The following OSMR variants were observed in gnomAD, a reference collection of about 807,000 sequenced individuals.
OSMR encodes oncostatin-M-specific receptor subunit beta.
OSMR carries 81 observed loss-of-function variants against 99.9 expected under a neutral mutation model. That is an observed-to-expected ratio of 0.81 (90% confidence interval 0.68 to 0.97). OSMR has a LOEUF of 0.97. Among genes scored for constraint, OSMR ranks in the 50% least tolerant of loss-of-function variants. OSMR has a pLI of 0.00. For synonymous variants in OSMR, 406 were observed against 410.4 expected, an observed-to-expected ratio of 0.99 and a Z score of 0.13; for missense variants, 1,099 against 1,153.4, an observed-to-expected ratio of 0.95 and a Z score of 0.68.
At chr5:38,945,347 C>T, downstream of OSMR, 1 of 636,162 alleles carries the variant, frequency 1.6e-6, no homozygotes, top group East Asian at 2.7e-5. Context: ...AGCATCTCAG[C>T]ATAACATAAT....
Position 38,921,456 on chromosome 5 carries a change from C to T in OSMR, c.1586-159C>T, listed in dbSNP as rs577087332. The T allele has an allele frequency of 3.3e-5, 32 of 982,848 alleles. No individual in the cohort carries two copies. The East Asian group carries it at 1.7e-3, about 52-fold the overall frequency. The allele number at this position is 982,848 out of a possible 1,614,324, so 60.9% of individuals were successfully genotyped here. Reference sequence around the variant, plus strand: ...TGGGAAGTAAGAGACAAGAACTCACCCATGAAAACATCCCCCACCCAAGCA... The same window carrying T: ...TGGGAAGTAAGAGACAAGAACTCACTCATGAAAACATCCCCCACCCAAGCA... On this transcript the variant is annotated intron_variant, in intron 11 of 17. Coordinates refer to ENST00000274276, the MANE Select transcript of OSMR (RefSeq NM_003999.3).
At chr5:38,941,799 T>C in intron 1 of OSMR, 2 of 233,102 alleles carry the variant, frequency 8.6e-6, no homozygotes, top group Non-Finnish European at 1.7e-5. Context: ...GGGCCAAAGT[T>C]CCCTCTCTAA....
downstream of OSMR, among the ~76,000 whole-genome samples, chr5:38,937,540 A>G (rs1268913814): frequency 6.6e-6 from 1 of 152,212 alleles, no homozygotes. The surrounding 1 kb of genome is among the most constrained non-coding windows in gnomAD (Gnocchi z 4.0). Flanking sequence ...GCCAGTAGGT[A>G]GCTGTAGGTA....
At chr5:38,848,609 G>A (rs994011633) in intron 1 of OSMR, among the ~76,000 whole-genome samples, 1 of 152,080 alleles carries the variant, frequency 6.6e-6, no homozygotes, top group Non-Finnish European at 1.5e-5. Flanking sequence ...ACCATTCTAA[G>A]GCTTGTTTTT....
At chr5:38,869,242 C>A (rs1742187280) in intron 2 of OSMR, 125 bp downstream of exon 2, 1 of 812,156 alleles carries the variant, frequency 1.2e-6, no homozygotes, top group Non-Finnish European at 2.2e-6. Flanking sequence ...CTGAGTATCT[C>A]CCATGAGGAG....
At position 38,933,814 on chromosome 5, in the gene OSMR, A is replaced by ATAT. The variant is rs1746894361; in HGVS notation, c.*372_*374dup. The ATAT allele has an allele frequency of 4.9e-6, 1 of 206,098 alleles. No individual in the cohort carries two copies. The highest frequency in any genetic ancestry group is 1.2e-4 in the South Asian group (1 of 8,524). The allele number at this position is 206,098 out of a possible 1,614,324, so 12.8% of individuals were successfully genotyped here. Reference sequence around the variant, plus strand: ...TAGAAGTTCAGTTTTTACTGAGGAAATATTTCCATTAACAGCAATTATTAT... The same window carrying ATAT: ...TAGAAGTTCAGTTTTTACTGAGGAAATATTATTTCCATTAACAGCAATTATTAT... On this transcript the variant is annotated 3_prime_UTR_variant, in exon 18 of 18. Transcript: ENST00000274276.
chr5:38,890,842 G>C (rs1744110285), intron 7 of OSMR, among the ~76,000 whole-genome samples: 1 of 151,924 alleles, frequency 6.6e-6, no homozygotes. Flanking sequence ...AACAAGCCTG[G>C]GGACGTTGAA....
chr5:38,876,057 T>C (rs1407743393), intron 2 of OSMR, 144 bp from the exon 3 acceptor site: 8 of 1,180,930 alleles, frequency 6.8e-6, no homozygotes, highest in Non-Finnish European at 9.3e-6. Flanking sequence ...CTCTTCCAGA[T>C]TTCCAAGGTG....
intron 15 of OSMR, among the ~76,000 whole-genome samples, chr5:38,928,212 C>T (rs1746558893): frequency 6.6e-6 from 1 of 152,148 alleles, no homozygotes; most frequent in Admixed American, 6.5e-5. Context: ...ACATCTTCCT[C>T]TCTTCTTCTG....
chr5:38,928,510 G>A (rs1005407098), intron 15 of OSMR, among the ~76,000 whole-genome samples: 4 of 152,086 alleles, frequency 2.6e-5, no homozygotes, highest in Admixed American at 6.5e-5. Context: ...GAGAAGTGCC[G>A]AGCAAAGGGG....
intron 1 of OSMR, among the ~76,000 whole-genome samples, chr5:38,862,698 C>T (rs1374726698): frequency 2.7e-5 from 4 of 149,852 alleles, no homozygotes; most frequent in South Asian, 2.1e-4. Context: ...CGGGCAGAGA[C>T]GCTCCTCACT....
intron 3 of OSMR, 28 bp downstream of exon 3, chr5:38,876,401 A>T (rs1742840101): frequency 2.5e-6 from 4 of 1,591,480 alleles, no homozygotes; most frequent in Admixed American, 1.7e-5. Flanking sequence ...CTCAATATTT[A>T]AAAAATCATC....
intron 1 of OSMR, among the ~76,000 whole-genome samples, chr5:38,866,855 C>T (rs1741989555): frequency 6.6e-6 from 1 of 152,128 alleles, no homozygotes; most frequent in Non-Finnish European, 1.5e-5. Context: ...TAGGAGTTCA[C>T]AGTAGGAATA....
At chr5:38,896,480 A>G (rs1744526729) in intron 7 of OSMR, among the ~76,000 whole-genome samples, 2 of 151,838 alleles carry the variant, frequency 1.3e-5, no homozygotes. Context: ...TGCTAATGAT[A>G]TTTGTATATT....
intron 9 of OSMR, among the ~76,000 whole-genome samples, chr5:38,905,086 C>G (rs1337251745): frequency 6.6e-6 from 1 of 152,176 alleles, no homozygotes; most frequent in African/African-American, 2.4e-5. Context: ...GCTTCCATCT[C>G]CCTCCAACTC....
intron 2 of OSMR, among the ~76,000 whole-genome samples, chr5:38,869,835 A>T (rs1364439658): frequency 2.0e-5 from 3 of 152,050 alleles, no homozygotes; most frequent in Non-Finnish European, 4.4e-5. Context: ...TGTATCTTTC[A>T]TCTGTATTTT....
At chr5:38,877,047 G>T (rs1742895550) in intron 3 of OSMR, among the ~76,000 whole-genome samples, 1 of 152,156 alleles carries the variant, frequency 6.6e-6, no homozygotes, top group Non-Finnish European at 1.5e-5. Context: ...AGTGCACTAG[G>T]ACACATGAGT....
chr5:38,933,362 T>G lies in OSMR; in HGVS notation c.2858T>G (p.Leu953Arg). Residue 953 changes from leucine (L) to arginine (R), a missense_variant, in exon 18 of 18, where the codon CTG becomes CGG. Coordinates refer to ENST00000274276, the MANE Select transcript of OSMR (RefSeq NM_003999.3). ...TATAAAATGCAAATGGCAGTCTCCC[T>G]GCGTCTTGCCTTGCCTCCCCCGACC... Reference protein sequence around the residue: ...SEYKMQMAVSLRLALPPPTEN... With the variant: ...SEYKMQMAVSRRLALPPPTEN... The G allele has an allele frequency of 6.2e-7, 1 of 1,614,140 alleles. No homozygotes were observed. The highest frequency in any genetic ancestry group is 8.5e-7 in the Non-Finnish European group (1 of 1,179,988).
At chr5:38,913,965 G>A (rs779235670) in intron 9 of OSMR, among the ~76,000 whole-genome samples, 32 of 152,138 alleles carry the variant, frequency 2.1e-4, no homozygotes, top group Non-Finnish European at 2.6e-4. Context: ...TTCTTCACAT[G>A]TCTTCATAAT....
Sources: allele counts gnomAD v4.1 joint callset (sites outside exome capture counted in the v4.1 genomes callset), GRCh38; gene constraint gnomAD v4.1.1; non-coding constraint Gnocchi (gnomAD v3.1); transcripts MANE v1.5; gene names NCBI Gene and HGNC (gene_info 2026-07-23, HGNC 2026-07-21).